Variants in PCMTD1 observed in about 807,000 individuals in gnomAD.
The protein encoded by PCMTD1 is protein-L-isoaspartate O-methyltransferase domain-containing protein 1.
Under a neutral mutation model 37.6 loss-of-function variants are expected in PCMTD1, and 12 were observed. That is an observed-to-expected ratio of 0.32 (90% CI 0.20 to 0.52). PCMTD1 has a LOEUF of 0.52. PCMTD1 is among the 20% of genes least tolerant of loss of function. PCMTD1 has a pLI of 0.97. For missense variants in PCMTD1, 235 were observed against 421.3 expected, an observed-to-expected ratio of 0.56 and a Z score of 3.87; for synonymous variants, 117 against 135.8, an observed-to-expected ratio of 0.86 and a Z score of 0.96.
At chr8:51,849,948 C>T in intron 2 of PCMTD1, 1 of 649,254 alleles carries the variant, frequency 1.5e-6, no homozygotes, top group Non-Finnish European at 2.8e-6. Flanking sequence ...GAATGAAGTT[C>T]ACTGTGCCTT....
chr8:51,885,201 T>G (rs768730782), intron 1 of PCMTD1, among the ~76,000 whole-genome samples: 20 of 152,192 alleles, frequency 1.3e-4, no homozygotes, highest in Non-Finnish European at 2.1e-4. Context: ...CAATTTAACT[T>G]AAATTACTAT....
At chr8:51,856,251 C>T (rs1319301966) in intron 2 of PCMTD1, among the ~76,000 whole-genome samples, 1 of 152,100 alleles carries the variant, frequency 6.6e-6, no homozygotes, top group African/African-American at 2.4e-5. Context: ...GGCCCATAAG[C>T]ACATGAATAG....
chr8:51,874,059 C>G (rs2038678285), intron 1 of PCMTD1, among the ~76,000 whole-genome samples: 2 of 152,128 alleles, frequency 1.3e-5, no homozygotes, highest in Non-Finnish European at 2.9e-5. Flanking sequence ...ACCACCACGC[C>G]TGGCTAATTT....
At chr8:51,839,221 T>C (rs2038111111) in intron 3 of PCMTD1, among the ~76,000 whole-genome samples, 1 of 152,156 alleles carries the variant, frequency 6.6e-6, no homozygotes, top group Non-Finnish European at 1.5e-5. Flanking sequence ...ATGTGTATAA[T>C]AACCACAAAA....
At chr8:51,831,629 C>G in intron 4 of PCMTD1, 62 bp from the exon 5 acceptor site, 1 of 1,515,548 alleles carries the variant, frequency 6.6e-7, no homozygotes, top group South Asian at 1.3e-5. Context: ...GGTCACCTTA[C>G]AGTCAAAACT....
At chr8:51,857,026 G>A (rs2038400758) in intron 2 of PCMTD1, among the ~76,000 whole-genome samples, 1 of 152,230 alleles carries the variant, frequency 6.6e-6, no homozygotes, top group South Asian at 2.1e-4. Flanking sequence ...GCATAAGCAT[G>A]CAGGCAAAAG....
chr8:51,854,377 A>G (rs79876846), intron 2 of PCMTD1, among the ~76,000 whole-genome samples: 3 of 27,168 alleles, frequency 1.1e-4, no homozygotes, highest in South Asian at 5.3e-3. Flanking sequence ...TGAGAGGGGG[A>G]AAAAAAAAAT....
chr8:51,897,941 GA>G (rs571513307), intron 1 of PCMTD1, among the ~76,000 whole-genome samples: 4 of 149,624 alleles, frequency 2.7e-5, no homozygotes, highest in African/African-American at 4.9e-5. Context: ...TAAATGCACA[GA>G]AAAAAAAAAT....
chr8:51,832,327 T>G (rs1283671975), intron 4 of PCMTD1, among the ~76,000 whole-genome samples: 2 of 152,242 alleles, frequency 1.3e-5, no homozygotes, highest in African/African-American at 4.8e-5. Context: ...AGCATTCTAA[T>G]AACATTTCCA....
At position 51,833,704 on chromosome 8, in the gene PCMTD1, A is replaced by C. The variant is rs765059738; in HGVS notation, c.411-15T>G. On this transcript the variant is annotated splice_polypyrimidine_tract_variant and intron_variant, in intron 3 of 5. Transcript: ENST00000522514. Reference sequence around the variant, plus strand: ...AGAACTCAAATCTGCATTGAAAAACAAACATTTTAATTCAATTAAGCAAAA... The same window carrying C: ...AGAACTCAAATCTGCATTGAAAAACCAACATTTTAATTCAATTAAGCAAAA... The C allele has an allele frequency of 4.4e-6, 7 of 1,597,848 alleles. No homozygotes were observed. The South Asian group carries it at 5.7e-5, about 13-fold the overall frequency.
chr8:51,859,044 T>A (rs927186607), intron 2 of PCMTD1, among the ~76,000 whole-genome samples: 1 of 152,050 alleles, frequency 6.6e-6, no homozygotes, highest in Non-Finnish European at 1.5e-5. Flanking sequence ...AGATAGCAAA[T>A]TATGATGCAT....
chr8:51,833,645 T>C lies in PCMTD1; in HGVS notation c.455A>G (p.Gln152Arg). The C allele has an allele frequency of 2.5e-6, 4 of 1,611,846 alleles. No individual in the cohort carries two copies. The highest frequency in any genetic ancestry group is 3.4e-6 in the Non-Finnish European group (4 of 1,179,608). Residue 152 changes from glutamine (Q) to arginine (R), a missense_variant, in exon 4 of 6, where the codon CAG becomes CGG. This residue lies in a region of PCMTD1 where 183 missense variants were observed against 349.3 expected (regional missense o/e 0.52). Transcript: ENST00000522514. ...EPAFVVGNCL[Q>R]IASDSHQYDR... ...ATACTGATGACTGTCAGAAGCTATCTGGAGGCAATTACCAACAACAAATGC... is the reference window on the plus strand; with the variant it reads ...ATACTGATGACTGTCAGAAGCTATCCGGAGGCAATTACCAACAACAAATGC...
rs1315868290 is a variant in PCMTD1 at position 51,899,029 on chromosome 8, C to A, written c.-195G>T. 13 of 1,511,832 alleles carry A rather than the reference C, an allele frequency of 8.6e-6. No individual in the cohort carries two copies. Among genetic ancestry groups the A allele is most frequent in the Non-Finnish European group, 1.1e-5 (13 of 1,136,988 alleles). 93.7% of individuals were successfully genotyped at this position (1,511,832 alleles called of 1,614,324 possible). On this transcript the variant is annotated 5_prime_UTR_variant, in exon 1 of 6. Coordinates refer to ENST00000522514, the MANE Select transcript of PCMTD1 (RefSeq NM_052937.4). ...ACCACAATAACAACACGGACGCCAC[C>A]GCCGAGTGGAGAGGCGGGGCCCGGA...
At chr8:51,867,861 T>C (rs1376131997) in intron 1 of PCMTD1, among the ~76,000 whole-genome samples, 6 of 151,936 alleles carry the variant, frequency 3.9e-5, no homozygotes, top group Admixed American at 6.6e-5. Context: ...GGGCATAAAG[T>C]TTCTGCTAGA....
chr8:51,861,043 C>G lies in PCMTD1; in HGVS notation c.109G>C (p.Asp37His). The G allele has an allele frequency of 6.2e-7, 1 of 1,614,112 alleles. No individual in the cohort carries two copies. Residue 37 changes from aspartate to histidine, a missense_variant, in exon 2 of 6, where the codon GAT becomes CAT. Asp to His is a moderately conservative substitution (Grantham distance 81). This residue lies in a region of PCMTD1 where 183 missense variants were observed against 349.3 expected (regional missense o/e 0.52). Transcript: ENST00000522514. Reference protein sequence around the residue: ...ERVEQAFRAIDRGDYYLEGYR... With the variant: ...ERVEQAFRAIHRGDYYLEGYR... ...CCTTCCAAATAGTAATCTCCACGATCAATCGCTCTGAAGGCTTGCTCCACT... is the reference window on the plus strand; with the variant it reads ...CCTTCCAAATAGTAATCTCCACGATGAATCGCTCTGAAGGCTTGCTCCACT...
chr8:51,821,917 A>T lies in PCMTD1; in HGVS notation c.707-1199T>A, dbSNP rs1397296157. ...CACCAGTGTAATTTTTTGTATTTTT[A>T]GTACAGATGGGGTTTCACCATGTTA... is the stretch of plus-strand genomic sequence containing the variant. On this transcript the variant is annotated intron_variant, in intron 5 of 5. Transcript: ENST00000522514. Among the ~76,000 whole-genome samples, 46 of 152,064 alleles carry T rather than the reference A, an allele frequency of 3.0e-4. 1 individual carries two copies. Among genetic ancestry groups the T allele is most frequent in the Admixed American group, 3.0e-3 (46 of 15,264 alleles).
chr8:51,837,170 C>G (rs939415391), intron 3 of PCMTD1, among the ~76,000 whole-genome samples: 1 of 152,044 alleles, frequency 6.6e-6, no homozygotes, highest in Non-Finnish European at 1.5e-5. Context: ...CTACTTCTAT[C>G]TAAGGGAAAT....
intron 5 of PCMTD1, among the ~76,000 whole-genome samples, chr8:51,824,076 C>T (rs1249321722): frequency 6.6e-6 from 1 of 152,086 alleles, no homozygotes; most frequent in Non-Finnish European, 1.5e-5. Context: ...TATGACAAAC[C>T]CACAGCCAAT....
intron 1 of PCMTD1, among the ~76,000 whole-genome samples, chr8:51,866,384 A>T (rs2038555740): frequency 1.3e-5 from 2 of 152,022 alleles, no homozygotes; most frequent in African/African-American, 4.8e-5. Flanking sequence ...AATCTATTAC[A>T]AAGCTATAGT....
Sources: allele counts gnomAD v4.1 joint callset (sites outside exome capture counted in the v4.1 genomes callset), GRCh38; gene constraint gnomAD v4.1.1; regional missense constraint gnomAD v4.1.1; transcripts MANE v1.5; gene names NCBI Gene and HGNC (gene_info 2026-07-23, HGNC 2026-07-21).